The following WTAP variants were observed in gnomAD, a reference collection of about 807,000 sequenced individuals.
WTAP encodes the protein pre-mRNA-splicing regulator WTAP.
Under a neutral mutation model 50.0 loss-of-function variants are expected in WTAP, and 8 were observed. The observed-to-expected ratio is 0.16, with a 90% CI of 0.09 to 0.29. The LOEUF (loss-of-function observed/expected upper bound fraction) is 0.29, where lower values mean the gene tolerates loss of function less well. Among genes scored for constraint, WTAP ranks in the 10% least tolerant of loss-of-function variants. WTAP has a pLI of 1.00. For synonymous variants in WTAP, 194 were observed against 169.0 expected (o/e 1.15, Z -1.15); for missense variants, 295 against 470.7 (o/e 0.63, Z 3.45).
At chr6:159,738,883 T>C in intron 2 of WTAP, 107 bp from the exon 3 acceptor site, 1 of 802,524 alleles carries the variant, frequency 1.2e-6, no homozygotes, top group Admixed American at 2.7e-5. Flanking sequence ...TCATAATATG[T>C]ACTGAGCCGT....
chr6:159,734,375 C>CA (rs67668924), intron 1 of WTAP, among the ~76,000 whole-genome samples: 27,545 of 130,576 alleles, frequency 0.21, 2,791 homozygotes, highest in East Asian at 0.43. Context: ...GACTCCATCT[C>CA]AAAAAAAAAA....
At chr6:159,736,352 T>C (rs927888393) in intron 2 of WTAP, 57 bp downstream of exon 2, 3 of 1,352,326 alleles carry the variant, frequency 2.2e-6, no homozygotes, top group South Asian at 1.3e-5. Flanking sequence ...GGGGGCTTTT[T>C]TAAGCACTTT....
chr6:159,738,877 A>G (rs1430997214), intron 2 of WTAP, 113 bp from the exon 3 acceptor site: 1 of 689,158 alleles, frequency 1.5e-6, no homozygotes, highest in Non-Finnish European at 2.3e-6. Context: ...AAAAAATCAT[A>G]ATATGTACTG....
At chr6:159,734,812 TTA>T (rs1311853401) in intron 1 of WTAP, among the ~76,000 whole-genome samples, 8 of 152,210 alleles carry the variant, frequency 5.3e-5, no homozygotes, top group Non-Finnish European at 7.3e-5. Context: ...TATAAAGATT[TTA>T]TGTTTGTCAG....
chr6:159,753,655 G>T, intron 7 of WTAP, 41 bp downstream of exon 7: 1 of 1,565,496 alleles, frequency 6.4e-7, no homozygotes, highest in Non-Finnish European at 8.6e-7. Context: ...TCTCAACTTT[G>T]CATTGGCTTT....
Position 159,755,734 on chromosome 6 carries a change from TTGTTTTTTTTCTTTG to T in WTAP, c.*125_*139del. The T allele has an allele frequency of 8.6e-7, 1 of 1,165,766 alleles. No individual in the cohort carries two copies. Among genetic ancestry groups the T allele is most frequent in the Middle Eastern group, 3.2e-4 (1 of 3,084 alleles). 72.2% of individuals were successfully genotyped at this position (1,165,766 alleles called of 1,614,324 possible). On this transcript the variant is annotated 3_prime_UTR_variant, in exon 8 of 8. Coordinates refer to ENST00000621533, the MANE Select transcript of WTAP (RefSeq NM_001270531.2). ...GGGTGTACGTTTTGGTTTTTTTTTGTTGTTTTTTTTCTTTGTTTTTTTTTTCTTTTCTTTTTTTTT... is the reference window on the plus strand; with the variant it reads ...GGGTGTACGTTTTGGTTTTTTTTTGTTTTTTTTTTTCTTTTCTTTTTTTTT...
At chr6:159,752,035 C>T (rs1380620703) in intron 6 of WTAP, among the ~76,000 whole-genome samples, 1 of 151,164 alleles carries the variant, frequency 6.6e-6, no homozygotes, top group Non-Finnish European at 1.5e-5. Flanking sequence ...TGCACTCCAG[C>T]CTGGCAACAC....
intron 1 of WTAP, among the ~76,000 whole-genome samples, chr6:159,730,185 ACAGT>A (rs2114866934): frequency 6.6e-6 from 1 of 152,328 alleles, no homozygotes; most frequent in East Asian, 1.9e-4. Context: ...CTAATGACTA[ACAGT>A]CATTTTCATC....
In WTAP at chr6:159,748,133, A is replaced by AC. The variant is rs1409358256; in HGVS notation, c.274-56dup. ...CAAGTGAATGGAGGGAGTTTTCCCC[A>AC]CCTTCTTATGTATGTTTCCTTTGAT... is the stretch of plus-strand genomic sequence containing the variant. On this transcript the variant is annotated intron_variant, in intron 5 of 7. Transcript: ENST00000621533. The surrounding 1 kb of genome is among the most constrained non-coding windows in gnomAD (Gnocchi z 5.6). The AC allele has an allele frequency of 1.3e-6, 2 of 1,539,288 alleles. No individual in the cohort carries two copies. Among genetic ancestry groups the AC allele is most frequent in the Non-Finnish European group, 1.8e-6 (2 of 1,135,204 alleles).
intron 1 of WTAP, among the ~76,000 whole-genome samples, chr6:159,733,873 G>T (rs1174864543): frequency 6.6e-6 from 1 of 152,124 alleles, no homozygotes; most frequent in Admixed American, 6.5e-5. Flanking sequence ...CCGAGATCGC[G>T]CCGTTGCACT....
intron 4 of WTAP, among the ~76,000 whole-genome samples, chr6:159,743,179 C>A (rs1320928315): frequency 6.6e-6 from 1 of 152,228 alleles, no homozygotes; most frequent in Admixed American, 6.5e-5. Flanking sequence ...TCCCAAGTAG[C>A]TGGGATTACA....
In WTAP at chr6:159,741,177, T is replaced by C. The variant is rs559269470; in HGVS notation, c.87-911T>C. Among the ~76,000 whole-genome samples the C allele has an allele frequency of 1.4e-3, 207 of 152,230 alleles. 2 individuals carry two copies. Among genetic ancestry groups the C allele is most frequent in the African/African-American group, 4.8e-3 (200 of 41,546 alleles). ...TCCATTAGGAACTGCCTAATAAGAC[T>C]AGGAAAAATCTTTATTGCTAAGAGG... On this transcript the variant is annotated intron_variant, in intron 3 of 7. Coordinates refer to ENST00000621533, the MANE Select transcript of WTAP (RefSeq NM_001270531.2).
intron 1 of WTAP, among the ~76,000 whole-genome samples, chr6:159,730,068 T>C: frequency 6.6e-6 from 1 of 152,182 alleles, no homozygotes; most frequent in Non-Finnish European, 1.5e-5. Flanking sequence ...TATGTAATTT[T>C]AAAACTAGTC....
intron 1 of WTAP, among the ~76,000 whole-genome samples, chr6:159,730,134 T>C (rs1468278309): frequency 6.6e-6 from 1 of 152,188 alleles, no homozygotes; most frequent in Admixed American, 6.5e-5. Flanking sequence ...ACCCCCAATT[T>C]ATTAATTAAT....
At chr6:159,731,031 C>G (rs1778533503) in intron 1 of WTAP, 1 of 152,132 alleles carries the variant, frequency 6.6e-6, no homozygotes, top group Non-Finnish European at 1.5e-5. Flanking sequence ...GTTCCAGCTC[C>G]TTGGGAGGCT....
intron 1 of WTAP, among the ~76,000 whole-genome samples, chr6:159,733,743 G>A (rs1403605225): frequency 2.0e-5 from 3 of 151,686 alleles, no homozygotes; most frequent in African/African-American, 7.3e-5. Context: ...GAGAAACCCC[G>A]TCTCTACTAA....
intron 4 of WTAP, among the ~76,000 whole-genome samples, chr6:159,743,048 T>G (rs1779357092): frequency 6.6e-6 from 1 of 152,170 alleles, no homozygotes; most frequent in Non-Finnish European, 1.5e-5. Context: ...ACTATTTTAT[T>G]TATTTATTTG....
chr6:159,728,094 GA>G (rs1268979657), intron 1 of WTAP, among the ~76,000 whole-genome samples: 2 of 152,156 alleles, frequency 1.3e-5, no homozygotes, highest in East Asian at 3.9e-4. Context: ...GTTCAGCAAG[GA>G]AAAAAAGAAA....
At position 159,742,163 on chromosome 6, in the gene WTAP, G is replaced by A; in HGVS notation, c.145+17G>A. 1 of 1,585,950 alleles carries A rather than the reference G, an allele frequency of 6.3e-7. No individual in the cohort carries two copies. Among genetic ancestry groups the A allele is most frequent in the Non-Finnish European group, 8.6e-7 (1 of 1,163,720 alleles). On this transcript the variant is annotated intron_variant, in intron 4 of 7. Transcript: ENST00000621533. Reference sequence around the variant, plus strand: ...ATCTTAACTGTAAGTTTGAGTTTTAGCTTCCTAAAGACTGAATAATCTCCT... The same window carrying A: ...ATCTTAACTGTAAGTTTGAGTTTTAACTTCCTAAAGACTGAATAATCTCCT...
Sources: gnomAD v4.1 joint callset for allele counts (sites outside exome capture counted in the v4.1 genomes callset) on GRCh38, gnomAD v4.1.1 for gene constraint, Gnocchi (gnomAD v3.1) non-coding constraint, MANE v1.5 for transcripts, NCBI Gene and HGNC (gene_info 2026-07-23, HGNC 2026-07-21) for gene names.